PTPRD: variants seen among roughly 807,000 people sequenced by gnomAD.
PTPRD encodes protein tyrosine phosphatase receptor type D.
PTPRD carries 34 observed loss-of-function variants against 214.5 expected under a neutral mutation model. The ratio of observed to expected loss-of-function variants is 0.16; its 90% CI spans 0.12 to 0.21. The LOEUF is 0.21. Ranked by LOEUF, PTPRD falls within the 10% of genes least tolerant of loss-of-function variation. PTPRD has a pLI of 1.00. For synonymous variants in PTPRD, 1,128 were observed against 845.7 expected (o/e 1.33, Z -5.79); for missense variants, 2,545 against 2,398.7 (o/e 1.06, Z -1.27).
chr9:10,370,423 A>C (rs1433806739), intron 2 of PTPRD, among the ~76,000 whole-genome samples: 1 of 152,036 alleles, frequency 6.6e-6, no homozygotes, highest in Non-Finnish European at 1.5e-5. Flanking sequence ...TTCTATTTTT[A>C]GTGTAAGAAT....
intron 10 of PTPRD, among the ~76,000 whole-genome samples, chr9:9,138,668 G>C (rs879783558): frequency 5.9e-5 from 9 of 152,134 alleles, no homozygotes; most frequent in Admixed American, 2.0e-4. Flanking sequence ...TCTTTAACTT[G>C]ATTTTACAAA....
At chr9:9,112,292 G>A (rs1236365432) in intron 10 of PTPRD, among the ~76,000 whole-genome samples, 1 of 152,100 alleles carries the variant, frequency 6.6e-6, no homozygotes, top group Non-Finnish European at 1.5e-5. Context: ...CTTCAGGCAG[G>A]GATGTCTCTG....
chr9:8,563,436 C>CTTTT lies in PTPRD; in HGVS notation c.353-34661_353-34658dup, dbSNP rs1036473887. ...CCTACTTACAAAGTTTTGATGTAGA[C>CTTTT]TTTTTTTTTTTTTTTTTTTGAGACA... On this transcript the variant is annotated intron_variant, in intron 14 of 45. Transcript: ENST00000381196. Among the ~76,000 whole-genome samples the CTTTT allele has an allele frequency of 2.4e-3, 314 of 130,604 alleles. 1 individual carries two copies. The highest frequency in any genetic ancestry group is 4.0e-3 in the Middle Eastern group (1 of 252). The allele number at this position is 130,604 out of a possible 152,430, so 85.7% of individuals were successfully genotyped here. A position where few individuals can be genotyped will look rare whatever the true frequency, so the allele number is the denominator to read the frequency against.
intron 2 of PTPRD, among the ~76,000 whole-genome samples, chr9:10,394,171 T>TAGATATCTATGTAC: frequency 6.9e-6 from 1 of 145,244 alleles, no homozygotes; most frequent in African/African-American, 2.5e-5. Flanking sequence ...TATATATACA[T>TAGATATCTATGTAC]ATATATCTAT....
intron 14 of PTPRD, among the ~76,000 whole-genome samples, chr9:8,554,458 G>C (rs1366690628): frequency 6.6e-6 from 1 of 152,050 alleles, no homozygotes; most frequent in Non-Finnish European, 1.5e-5. Flanking sequence ...AATATCCTTT[G>C]GGTCAAGGAA....
chr9:10,036,083 T>C (rs987320231), intron 3 of PTPRD, among the ~76,000 whole-genome samples: 5 of 152,158 alleles, frequency 3.3e-5, no homozygotes, highest in East Asian at 3.9e-4. Context: ...TCTGGCAGTA[T>C]ACCCACTGAT....
intron 3 of PTPRD, among the ~76,000 whole-genome samples, chr9:10,063,422 G>A (rs923298838): frequency 6.6e-6 from 1 of 151,968 alleles, no homozygotes; most frequent in Admixed American, 6.6e-5. Flanking sequence ...ATAACATATA[G>A]TATAGTAAGA....
In PTPRD at chr9:9,140,769, G is replaced by A. The variant is rs544131179; in HGVS notation, c.-143+42535C>T. On this transcript the variant is annotated intron_variant, in intron 10 of 45. Coordinates refer to ENST00000381196, the MANE Select transcript of PTPRD (RefSeq NM_002839.4). ...AATTTTTTGTGTTTTTAGTAGAGAC[G>A]GGGTTTCACCGTATTAGCCAGGATG... is the stretch of plus-strand genomic sequence containing the variant. Among the ~76,000 whole-genome samples, 11 of 152,140 alleles carry A rather than the reference G, an allele frequency of 7.2e-5. No individual in the cohort carries two copies. In the East Asian group the frequency reaches 7.8e-4, roughly 11 times the overall value.
At chr9:8,782,690 C>T (rs557489628) in intron 11 of PTPRD, among the ~76,000 whole-genome samples, 4 of 151,578 alleles carry the variant, frequency 2.6e-5, no homozygotes, top group Admixed American at 1.3e-4. Flanking sequence ...CTCCACCTCC[C>T]GAGTTCAAGC....
At position 9,379,690 on chromosome 9, in the gene PTPRD, G is replaced by A. The variant is rs183723667; in HGVS notation, c.-203+17759C>T. Among the ~76,000 whole-genome samples, 227 of 151,830 alleles carry A rather than the reference G, an allele frequency of 1.5e-3. 1 individual carries two copies. Among genetic ancestry groups the A allele is most frequent in the African/African-American group, 5.1e-3 (210 of 41,470 alleles). The stretch of plus-strand genomic sequence containing the variant: ...ACATGAAATATATTTCCATAAATTT[G>A]GTTTTCCTTTGACTTCTTTTGTTAT... On this transcript the variant is annotated intron_variant, in intron 9 of 45. Transcript: ENST00000381196.
intron 4 of PTPRD, among the ~76,000 whole-genome samples, chr9:9,985,815 T>C (rs1328483579): frequency 1.3e-5 from 2 of 151,962 alleles, no homozygotes; most frequent in South Asian, 2.1e-4. Context: ...TAATGAGTTA[T>C]CATATTTGAA....
chr9:8,686,438 G>A (rs912977697), intron 12 of PTPRD, among the ~76,000 whole-genome samples: 4 of 152,144 alleles, frequency 2.6e-5, no homozygotes, highest in African/African-American at 9.7e-5. Context: ...GCCATGTCAC[G>A]AAGAATTAAC....
chr9:9,059,290 A>G (rs2099702909), intron 10 of PTPRD, among the ~76,000 whole-genome samples: 1 of 152,210 alleles, frequency 6.6e-6, no homozygotes. Flanking sequence ...TGTGTACAGC[A>G]TTGAAATGGC....
Position 9,394,077 on chromosome 9 carries a change from T to C in PTPRD, c.-203+3372A>G, listed in dbSNP as rs572997346. On this transcript the variant is annotated intron_variant, in intron 9 of 45. Transcript: ENST00000381196. ...AAACTTTAATTTTTTAAACCATACA[T>C]ACACACAAAACTTTTATTATCCTAA... Among the ~76,000 whole-genome samples, 4 of 152,212 alleles carry C rather than the reference T, an allele frequency of 2.6e-5. No homozygotes were observed. In the East Asian group the frequency reaches 5.8e-4, roughly 22 times the overall value.
intron 9 of PTPRD, among the ~76,000 whole-genome samples, chr9:9,300,511 T>C (rs1954860108): frequency 6.6e-6 from 1 of 151,768 alleles, no homozygotes; most frequent in South Asian, 2.1e-4. Flanking sequence ...CCCAAATTCA[T>C]GTGTTGAAAT....
chr9:9,947,728 G>C (rs907790903), intron 4 of PTPRD, among the ~76,000 whole-genome samples: 1 of 138,520 alleles, frequency 7.2e-6, no homozygotes, highest in Admixed American at 8.3e-5. Context: ...TAAAATACTT[G>C]AAGTTAGCAC....
At chr9:8,850,567 AAAAATGGTTACCTGGCC>A (rs2097790266) in intron 11 of PTPRD, among the ~76,000 whole-genome samples, 1 of 152,146 alleles carries the variant, frequency 6.6e-6, no homozygotes, top group Non-Finnish European at 1.5e-5. Flanking sequence ...CGAGAAAAGC[AAAAATGGTTACCTGGCC>A]AGTAAGTAGA....
At chr9:10,581,989 A>T (rs1385875505) in intron 2 of PTPRD, among the ~76,000 whole-genome samples, 2 of 152,302 alleles carry the variant, frequency 1.3e-5, no homozygotes, top group East Asian at 3.9e-4. Flanking sequence ...CTATTCAAGG[A>T]TTCCTGAATT....
chr9:10,401,468 G>A (rs1302975194), intron 2 of PTPRD, among the ~76,000 whole-genome samples: 2 of 150,766 alleles, frequency 1.3e-5, no homozygotes, highest in Non-Finnish European at 3.0e-5. Context: ...TATGGCAAAA[G>A]GTATTAGATA....
Sources: allele counts gnomAD v4.1 joint callset (sites outside exome capture counted in the v4.1 genomes callset), GRCh38; gene constraint gnomAD v4.1.1; transcripts MANE v1.5; gene names NCBI Gene and HGNC (gene_info 2026-07-23, HGNC 2026-07-21).